The following ABCA4 variants were observed in gnomAD, a reference collection of about 807,000 sequenced individuals.
The protein encoded by ABCA4 is ATP binding cassette subfamily A member 4, also known as retinal-specific phospholipid-transporting ATPase ABCA4.
ABCA4 carries 196 observed loss-of-function variants against 263.7 expected under a neutral mutation model. The observed-to-expected ratio is 0.74, with a 90% CI of 0.66 to 0.84. The LOEUF (loss-of-function observed/expected upper bound fraction) is 0.84, where lower values mean the gene tolerates loss of function less well. Ranked by LOEUF, ABCA4 falls within the 40% of genes least tolerant of loss-of-function variation. ABCA4 has a pLI of 0.00. For missense variants in ABCA4, 2,792 were observed against 2,855.1 expected (o/e 0.98, Z 0.50); for synonymous variants, 1,133 against 1,094.2 (o/e 1.04, Z -0.70).
chr1:93,997,926 G>A lies in ABCA4; in HGVS notation c.6664C>T (p.Leu2222Phe). 2 of 1,614,080 alleles carry A rather than the reference G, an allele frequency of 1.2e-6. No individual in the cohort carries two copies. Among genetic ancestry groups the A allele is most frequent in the South Asian group, 1.1e-5 (1 of 91,062 alleles). Residue 2222 changes from leucine (L) to phenylalanine (F), a missense_variant, in exon 48 of 50, where the codon CTC (leucine) becomes TTC (phenylalanine). Coordinates refer to ENST00000370225, the MANE Select transcript of ABCA4 (RefSeq NM_000350.3). Reference protein sequence around the residue: ...SSSLARIFQLLLSHKDSLLIE... With the variant: ...SSSLARIFQLFLSHKDSLLIE... Reference sequence around the variant, plus strand: ...AGCAGGCTGTCCTTGTGGGAGAGGAGGAGCTGGAAGATCCTCGCCAGGGAG... The same window carrying A: ...AGCAGGCTGTCCTTGTGGGAGAGGAAGAGCTGGAAGATCCTCGCCAGGGAG...
In ABCA4 at chr1:94,060,712, G is replaced by A. The variant is rs1218846489; in HGVS notation, c.1985C>T (p.Ala662Val). ...NRCFPIFMVLAWIYSVSMTVK... is the reference protein window; with the variant it reads ...NRCFPIFMVLVWIYSVSMTVK... ...AGTCATGGAGACAGAGTAGATCCATGCCAGCACCATGAAGATAGGGAAACA... is the reference window on the plus strand; with the variant it reads ...AGTCATGGAGACAGAGTAGATCCATACCAGCACCATGAAGATAGGGAAACA... The change falls in exon 14 of 50, where the codon GCA (alanine) becomes GTA (valine). Residue 662 changes from alanine (A) to valine (V), a missense_variant. Physicochemically the swap from Ala to Val is moderately conservative, Grantham distance 64. Coordinates refer to ENST00000370225, the MANE Select transcript of ABCA4 (RefSeq NM_000350.3). 1 of 1,613,984 alleles carries A rather than the reference G, an allele frequency of 6.2e-7. No individual in the cohort carries two copies. Among genetic ancestry groups the A allele is most frequent in the Middle Eastern group, 1.6e-4 (1 of 6,062 alleles).
chr1:94,072,919 G>C (rs910554032), intron 11 of ABCA4, among the ~76,000 whole-genome samples: 2 of 152,118 alleles, frequency 1.3e-5, no homozygotes, highest in African/African-American at 2.4e-5. Context: ...TTGTGGAGGG[G>C]GTCTGAGACA....
At chr1:93,996,751 G>C (rs1463436607) in intron 48 of ABCA4, among the ~76,000 whole-genome samples, 2 of 152,168 alleles carry the variant, frequency 1.3e-5, no homozygotes, top group Non-Finnish European at 2.9e-5. Flanking sequence ...TGAATGAATA[G>C]ATGGATGAAC....
intron 11 of ABCA4, among the ~76,000 whole-genome samples, chr1:94,073,008 C>T (rs1483935496): frequency 1.3e-5 from 2 of 152,148 alleles, no homozygotes; most frequent in Non-Finnish European, 2.9e-5. Context: ...CTGCTCAGAA[C>T]CCCCAGGCAG....
Position 94,005,466 on chromosome 1 carries a change from C to T in ABCA4, c.6122G>A (p.Gly2041Asp), listed in dbSNP as rs1462350577. The T allele has an allele frequency of 1.2e-6, 2 of 1,614,066 alleles. No individual in the cohort carries two copies. Among genetic ancestry groups the T allele is most frequent in the East Asian group, 2.2e-5 (1 of 44,902 alleles). Residue 2041 changes from glycine (G) to aspartate (D), a missense_variant, in exon 44 of 50, where the codon GGT becomes GAT. Coordinates refer to ENST00000370225, the MANE Select transcript of ABCA4 (RefSeq NM_000350.3). ...EHLYLYARLR[G>D]VPAEEIEKVA... ...CTTTTCGATTTCTTCTGCTGGTACA[C>T]CTCGAAGCCGGGCATAAAGGTAAAG...
At position 94,098,918 on chromosome 1, in the gene ABCA4, A is replaced by G; in HGVS notation, c.644T>C (p.Ile215Thr). The change falls in exon 6 of 50, where the codon ATC becomes ACC. Residue 215 changes from isoleucine (I) to threonine (T), a missense_variant. Coordinates refer to ENST00000370225, the MANE Select transcript of ABCA4 (RefSeq NM_000350.3). ...CTTTGCCCCGCGTCTCTGGCTGAAG[A>G]TGATGAAGCGCTCCAGGAGGGCCTC... ...CSEALLERFIIFSQRRGAKTV... is the reference protein window; with the variant it reads ...CSEALLERFITFSQRRGAKTV... 6.2e-7 allele frequency: 1 copy of G among 1,613,770 alleles called. No individual in the cohort carries two copies. Among genetic ancestry groups the G allele is most frequent in the Non-Finnish European group, 8.5e-7 (1 of 1,180,016 alleles).
intron 14 of ABCA4, 128 bp from the exon 15 acceptor site, chr1:94,056,950 G>A: frequency 1.3e-6 from 1 of 795,160 alleles, no homozygotes; most frequent in Non-Finnish European, 2.1e-6. Context: ...TCCATGTGCT[G>A]AGTTCCTTTA....
chr1:94,096,431 G>C (rs913849949), intron 6 of ABCA4, among the ~76,000 whole-genome samples: 29 of 152,114 alleles, frequency 1.9e-4, no homozygotes, highest in Non-Finnish European at 4.0e-4. Context: ...TTCACATTTG[G>C]AGCCTTGGCC....
At chr1:94,030,604 GC>G in intron 28 of ABCA4, 78 bp from the exon 29 acceptor site, 1 of 1,340,756 alleles carries the variant, frequency 7.5e-7, no homozygotes, top group Non-Finnish European at 1.1e-6. Flanking sequence ...TTACTGGATA[GC>G]TGCTGTGTGC....
In ABCA4 at chr1:94,098,906, C is replaced by T. The variant is rs61748537; in HGVS notation, c.656G>A (p.Arg219Lys). The T allele has an allele frequency of 1.2e-6, 2 of 1,613,976 alleles. No individual in the cohort carries two copies. The highest frequency in any genetic ancestry group is 4.5e-5 in the East Asian group (2 of 44,882). ...LLERFIIFSQ[R>K]RGAKTVRYAL... ...ATAGCGCACCGTCTTTGCCCCGCGT[C>T]TCTGGCTGAAGATGATGAAGCGCTC... is the stretch of plus-strand genomic sequence containing the variant. The change falls in exon 6 of 50, where the codon AGA becomes AAA. Residue 219 changes from arginine (R) to lysine (K), a missense_variant. Transcript: ENST00000370225.
rs200223777 is a variant in ABCA4 at position 94,043,490 on chromosome 1, C to T, written c.3051-15G>A. ...CCACCGTGAGGCTAGGAGGATGGGA[C>T]AACGAGAAAAGCAGTGGCTTAGCAC... is the stretch of plus-strand genomic sequence containing the variant. On this transcript the variant is annotated splice_polypyrimidine_tract_variant and intron_variant, in intron 20 of 49. Coordinates refer to ENST00000370225, the MANE Select transcript of ABCA4 (RefSeq NM_000350.3). The T allele has an allele frequency of 3.3e-5, 53 of 1,614,080 alleles. No individual in the cohort carries two copies. In the East Asian group the frequency reaches 1.1e-3, roughly 34 times the overall value.
chr1:94,019,804 A>T (rs774778641), intron 35 of ABCA4, 45 bp from the exon 36 acceptor site: 1 of 1,582,608 alleles, frequency 6.3e-7, no homozygotes, highest in Non-Finnish European at 8.6e-7. Flanking sequence ...TGAAGAGGGA[A>T]GAGCAGAAGG....
In ABCA4 at chr1:94,080,680, C is replaced by A. The variant is rs1429344908; in HGVS notation, c.897G>T (p.Val299=). 1 of 1,614,142 alleles carries A rather than the reference C, an allele frequency of 6.2e-7. No homozygotes were observed. Among genetic ancestry groups the A allele is most frequent in the Non-Finnish European group, 8.5e-7 (1 of 1,180,042 alleles). ...HRPSMQDLLW[V]TRPLMQNGGP... ...CACCATTCTGCATGAGGGGCCTGGT[C>A]ACCCACAGCAAGTCCTGCATACTCG... Residue 299 remains valine (V), a synonymous_variant, in exon 8 of 50, where the codon GTG becomes GTT. Coordinates refer to ENST00000370225, the MANE Select transcript of ABCA4 (RefSeq NM_000350.3).
intron 30 of ABCA4, among the ~76,000 whole-genome samples, chr1:94,025,926 G>T (rs1198499939): frequency 6.6e-6 from 1 of 152,164 alleles, no homozygotes; most frequent in South Asian, 2.1e-4. Flanking sequence ...CAGTTGATTT[G>T]TGACATTAAT....
intron 5 of ABCA4, among the ~76,000 whole-genome samples, chr1:94,102,405 C>T (rs531374878): frequency 5.3e-5 from 8 of 151,912 alleles, no homozygotes; most frequent in East Asian, 3.9e-4. Flanking sequence ...CTTCCAAGCC[C>T]GGAACTCCCC....
At chr1:94,108,974 G>A (rs1300004099) in intron 3 of ABCA4, among the ~76,000 whole-genome samples, 8 of 151,930 alleles carry the variant, frequency 5.3e-5, no homozygotes, top group East Asian at 1.9e-4. Context: ...GGGCTTCATC[G>A]TGTTAGCCAG....
intron 19 of ABCA4, chr1:94,045,992 G>A (rs2101055300): frequency 4.4e-6 from 2 of 455,542 alleles, no homozygotes; most frequent in African/African-American, 4.0e-5. Context: ...GAGCCCCTTT[G>A]CCTTCCCTGC....
chr1:94,116,363 CA>C (rs1662760766), intron 1 of ABCA4, among the ~76,000 whole-genome samples: 1 of 152,078 alleles, frequency 6.6e-6, no homozygotes, highest in Non-Finnish European at 1.5e-5. Context: ...GGTCTCAGAT[CA>C]TACCCCAGAT....
At chr1:94,033,246 C>A (rs951944838) in intron 26 of ABCA4, among the ~76,000 whole-genome samples, 1 of 151,634 alleles carries the variant, frequency 6.6e-6, no homozygotes, top group Non-Finnish European at 1.5e-5. Flanking sequence ...ATAGGGAGAC[C>A]CTGTCTCTAC....
Sources: allele counts gnomAD v4.1 joint callset (sites outside exome capture counted in the v4.1 genomes callset), GRCh38; gene constraint gnomAD v4.1.1; transcripts MANE v1.5; gene names NCBI Gene and HGNC (gene_info 2026-07-23, HGNC 2026-07-21).